Variants in KHDRBS3 observed in about 807,000 individuals in gnomAD.
The protein encoded by KHDRBS3 is KH domain-containing, RNA-binding, signal transduction-associated protein 3.
In KHDRBS3, 23 loss-of-function variants were observed where a neutral mutation model predicts 45.6. The observed-to-expected ratio is 0.50, with a 90% CI of 0.36 to 0.72. The LOEUF (loss-of-function observed/expected upper bound fraction) is 0.72, where lower values mean the gene tolerates loss of function less well. Among genes scored for constraint, KHDRBS3 ranks in the 30% least tolerant of loss-of-function variants. The pLI, the probability that KHDRBS3 is intolerant of heterozygous loss-of-function variation, is 0.00. For missense variants in KHDRBS3, 352 were observed against 424.8 expected, an observed-to-expected ratio of 0.83 and a Z score of 1.51; for synonymous variants, 162 against 156.5, an observed-to-expected ratio of 1.04 and a Z score of -0.26.
chr8:135,653,800 T>C (rs1233964319), intron 4 of KHDRBS3, among the ~76,000 whole-genome samples: 1 of 152,234 alleles, frequency 6.6e-6, no homozygotes, highest in Non-Finnish European at 1.5e-5. Flanking sequence ...TATGAGGACA[T>C]AACCCCATCC....
chr8:135,609,832 A>G (rs1450918648), intron 7 of KHDRBS3, among the ~76,000 whole-genome samples: 2 of 151,788 alleles, frequency 1.3e-5, no homozygotes, highest in Non-Finnish European at 2.9e-5. Flanking sequence ...GAACAGTATC[A>G]CAATATAGTG....
intron 1 of KHDRBS3, among the ~76,000 whole-genome samples, chr8:135,477,817 G>A (rs1360683855): frequency 5.9e-5 from 9 of 152,212 alleles, no homozygotes; most frequent in Non-Finnish European, 8.8e-5. Context: ...CAACCAAACC[G>A]GATTGGCGTG....
rs113384846 is a variant in KHDRBS3 at position 135,473,861 on chromosome 8, C to A, written c.88+15907C>A. Among the ~76,000 whole-genome samples the A allele has an allele frequency of 5.5e-3, 839 of 152,286 alleles. 7 individuals are homozygous for A. The highest frequency in any genetic ancestry group is 0.018 in the African/African-American group (765 of 41,556). The stretch of plus-strand genomic sequence containing the variant: ...TAAGCCTCTTGCTTACTGAAGGAAG[C>A]CCCACCTTCTAGCACTGAGGCCGGG... On this transcript the variant is annotated intron_variant, in intron 1 of 8. Coordinates refer to ENST00000355849, the MANE Select transcript of KHDRBS3 (RefSeq NM_006558.3).
chr8:135,509,973 C>CTTTTTTT (rs1326914089), intron 1 of KHDRBS3, among the ~76,000 whole-genome samples: 1 of 141,514 alleles, frequency 7.1e-6, no homozygotes, highest in African/African-American at 2.8e-5. Flanking sequence ...TTTCCCCCCC[C>CTTTTTTT]CTTTTTTTTT....
chr8:135,500,941 C>T (rs1209219202), intron 1 of KHDRBS3, among the ~76,000 whole-genome samples: 1 of 152,042 alleles, frequency 6.6e-6, no homozygotes, highest in Non-Finnish European at 1.5e-5. Flanking sequence ...ATGTGGTGAC[C>T]ATTGTTTTAG....
chr8:135,471,352 GTGTC>G (rs1822005230), intron 1 of KHDRBS3, among the ~76,000 whole-genome samples: 1 of 152,324 alleles, frequency 6.6e-6, no homozygotes, highest in Admixed American at 6.5e-5. Flanking sequence ...GACTGGTTGG[GTGTC>G]TGTTTCTCCA....
chr8:135,473,670 A>G (rs1218849843), intron 1 of KHDRBS3, among the ~76,000 whole-genome samples: 1 of 152,072 alleles, frequency 6.6e-6, no homozygotes, highest in Non-Finnish European at 1.5e-5. Flanking sequence ...GTTGCACCTC[A>G]GTTCTTACTT....
chr8:135,469,506 GTTTTTTTTTTGTTTTGGTTTTT>G (rs1821876049), intron 1 of KHDRBS3, among the ~76,000 whole-genome samples: 5 of 111,280 alleles, frequency 4.5e-5, no homozygotes, highest in South Asian at 2.7e-4. Flanking sequence ...CCAGGATGGT[GTTTTTTTTTTGTTTTGGTTTTT>G]TTTTTTTTTT....
intron 7 of KHDRBS3, among the ~76,000 whole-genome samples, chr8:135,610,944 A>G (rs1245888972): frequency 2.0e-5 from 3 of 151,960 alleles, no homozygotes; most frequent in African/African-American, 7.3e-5. Context: ...TGATGTGTTT[A>G]TACTTGAATT....
chr8:135,605,382 A>G (rs1352185011), intron 6 of KHDRBS3, among the ~76,000 whole-genome samples: 1 of 151,962 alleles, frequency 6.6e-6, no homozygotes, highest in Non-Finnish European at 1.5e-5. Flanking sequence ...AAGTTGACTG[A>G]GTTTTTTCTT....
chr8:135,506,254 CTG>C (rs1232841045), intron 1 of KHDRBS3, among the ~76,000 whole-genome samples: 1 of 152,060 alleles, frequency 6.6e-6, no homozygotes, highest in Non-Finnish European at 1.5e-5. Context: ...AAACTAGTGA[CTG>C]GGGATAAGAT....
intron 1 of KHDRBS3, among the ~76,000 whole-genome samples, chr8:135,468,414 G>A (rs1821808153): frequency 1.3e-5 from 2 of 152,166 alleles, no homozygotes; most frequent in African/African-American, 4.8e-5. Context: ...GGACAGCTGG[G>A]AAGTAGATAC....
chr8:135,626,693 A>G (rs967681766), intron 7 of KHDRBS3, among the ~76,000 whole-genome samples: 3 of 151,700 alleles, frequency 2.0e-5, no homozygotes, highest in African/African-American at 7.3e-5. Context: ...AGTCCCAGCT[A>G]CTTGGGAGGC....
intron 7 of KHDRBS3, among the ~76,000 whole-genome samples, chr8:135,634,128 A>C (rs1457772292): frequency 6.6e-6 from 1 of 152,198 alleles, no homozygotes; most frequent in Non-Finnish European, 1.5e-5. Flanking sequence ...TCTGTTGTAA[A>C]CTGGGATTTT....
At chr8:135,504,605 A>C (rs1402570009) in intron 1 of KHDRBS3, among the ~76,000 whole-genome samples, 1 of 152,234 alleles carries the variant, frequency 6.6e-6, no homozygotes, top group Non-Finnish European at 1.5e-5. Flanking sequence ...GATGATAAAC[A>C]CTTTCCCTCT....
At chr8:135,523,708 A>G (rs1182667052) in intron 2 of KHDRBS3, among the ~76,000 whole-genome samples, 2 of 152,186 alleles carry the variant, frequency 1.3e-5, no homozygotes, top group Non-Finnish European at 2.9e-5. Context: ...TTATTTTAAC[A>G]TTAAGAACAA....
chr8:135,569,861 C>T (rs1415551076), intron 5 of KHDRBS3, among the ~76,000 whole-genome samples: 2 of 152,198 alleles, frequency 1.3e-5, no homozygotes, highest in African/African-American at 4.8e-5. Context: ...CCCCCTTACC[C>T]AGCCTGGTCC....
Position 135,552,377 on chromosome 8 carries a change from C to A in KHDRBS3, c.471+3477C>A, listed in dbSNP as rs118019785. 7.7e-3 allele frequency among the ~76,000 whole-genome samples: 1,176 copies of A among 152,198 alleles called. 8 individuals carry two copies. Among genetic ancestry groups the A allele is most frequent in the Non-Finnish European group, 0.011 (772 of 68,010 alleles). On this transcript the variant is annotated intron_variant, in intron 4 of 8. Transcript: ENST00000355849. ...TAGTCTTCAAGTTAACTACTTCTGCCAGCTCATAGCTGTTATTGAACTCCT... is the reference window on the plus strand; with the variant it reads ...TAGTCTTCAAGTTAACTACTTCTGCAAGCTCATAGCTGTTATTGAACTCCT...
intron 7 of KHDRBS3, among the ~76,000 whole-genome samples, chr8:135,642,683 C>T (rs1171591323): frequency 2.0e-5 from 3 of 152,148 alleles, no homozygotes; most frequent in East Asian, 1.9e-4. Flanking sequence ...CTCCGTGTTA[C>T]ACCGTATTTA....
Sources: allele counts gnomAD v4.1 joint callset (sites outside exome capture counted in the v4.1 genomes callset), GRCh38; gene constraint gnomAD v4.1.1; transcripts MANE v1.5; gene names NCBI Gene and HGNC (gene_info 2026-07-23, HGNC 2026-07-21).